The following MAPKAPK2 variants were observed in gnomAD, a reference collection of about 807,000 sequenced individuals.
MAPKAPK2 encodes MAPK activated protein kinase 2.
A neutral mutation model predicts 48.8 loss-of-function variants in MAPKAPK2; 9 were observed. The ratio of observed to expected loss-of-function variants is 0.18; its 90% CI spans 0.11 to 0.32. MAPKAPK2 has a LOEUF of 0.32. MAPKAPK2 is among the 10% of genes least tolerant of loss of function. The pLI is 1.00. For synonymous variants in MAPKAPK2, 202 were observed against 190.6 expected (o/e 1.06, Z -0.49); for missense variants, 331 against 498.3 (o/e 0.66, Z 3.20).
intron 1 of MAPKAPK2, among the ~76,000 whole-genome samples, chr1:206,722,047 G>A (rs1347120977): frequency 4.8e-5 from 7 of 145,404 alleles, no homozygotes; most frequent in Non-Finnish European, 7.5e-5. Flanking sequence ...CCTGGGTAAT[G>A]AGAGTGAAAC....
chr1:206,711,607 C>CTTTTTTTT (rs781793889), intron 1 of MAPKAPK2, among the ~76,000 whole-genome samples: 60 of 115,486 alleles, frequency 5.2e-4, no homozygotes, highest in Admixed American at 5.6e-4. Context: ...CTACCTCATT[C>CTTTTTTTT]TTTTTTTTTT....
At chr1:206,718,874 T>C (rs1315914877) in intron 1 of MAPKAPK2, among the ~76,000 whole-genome samples, 1 of 152,174 alleles carries the variant, frequency 6.6e-6, no homozygotes, top group Non-Finnish European at 1.5e-5. Flanking sequence ...GCCAAATACC[T>C]CCCCAAAAAT....
rs991851187 is a variant in MAPKAPK2 at position 206,729,286 on chromosome 1, G to C, written c.485-110G>C. On this transcript the variant is annotated intron_variant, in intron 3 of 9. Coordinates refer to ENST00000367103, the MANE Select transcript of MAPKAPK2 (RefSeq NM_032960.4). ...TTTGTTTCTGGGGTGGGTGGTGGCTGTGGGGAGCCTCAGGCTGCACAGAGG... is the reference window on the plus strand; with the variant it reads ...TTTGTTTCTGGGGTGGGTGGTGGCTCTGGGGAGCCTCAGGCTGCACAGAGG... The C allele has an allele frequency of 5.4e-6, 6 of 1,111,262 alleles. No individual in the cohort carries two copies. In the East Asian group the frequency reaches 9.4e-5, roughly 17 times the overall value. The allele number at this position is 1,111,262 out of a possible 1,614,324, so 68.8% of individuals were successfully genotyped here.
chr1:206,731,877 C>T lies in MAPKAPK2; in HGVS notation c.1017C>T (p.Ser339=). 6.2e-7 allele frequency: 1 copy of T among 1,614,160 alleles called. No individual in the cohort carries two copies. The highest frequency in any genetic ancestry group is 8.5e-7 in the Non-Finnish European group (1 of 1,180,022). ...TCCCTCAAACCCCACTGCACACCAG[C>T]CGGGTCCTGAAGGAGGACAAGGAGC... ...TKVPQTPLHT[S]RVLKEDKERW... Residue 339 remains serine (S), a synonymous_variant, in exon 9 of 10, where the codon AGC becomes AGT. Transcript: ENST00000367103. This position sits in a 1 kb window ranked among gnomAD's most constrained non-coding sequence, Gnocchi z 5.9.
In MAPKAPK2 at chr1:206,731,710, C is replaced by G; in HGVS notation, c.963C>G (p.Asn321Lys). Residue 321 changes from asparagine (N) to lysine (K), a missense_variant, in exon 8 of 10, where the codon AAC becomes AAG. Coordinates refer to ENST00000367103, the MANE Select transcript of MAPKAPK2 (RefSeq NM_032960.4). The surrounding 1 kb of genome is among the most constrained non-coding windows in gnomAD (Gnocchi z 5.9). The part of the protein sequence containing the change: ...TQRMTITEFM[N>K]HPWIMQSTKV... ...GAATGACCATCACCGAGTTTATGAA[C>G]CACCCTTGGATCATGGTAAGCTCGG... The G allele has an allele frequency of 6.2e-7, 1 of 1,614,102 alleles. No homozygotes were observed. Among genetic ancestry groups the G allele is most frequent in the Non-Finnish European group, 8.5e-7 (1 of 1,179,982 alleles).
chr1:206,727,638 T>C (rs1553431960), intron 1 of MAPKAPK2, among the ~76,000 whole-genome samples: 1 of 152,122 alleles, frequency 6.6e-6, no homozygotes, highest in African/African-American at 2.4e-5. Flanking sequence ...CTTTTTTTTT[T>C]GAGATGGAGT....
At chr1:206,703,860 AAC>A (rs1672870997) in intron 1 of MAPKAPK2, among the ~76,000 whole-genome samples, 1 of 152,200 alleles carries the variant, frequency 6.6e-6, no homozygotes, top group African/African-American at 2.4e-5. Context: ...GCAGGCCAGG[AAC>A]AGTCAGTGGC....
chr1:206,724,225 C>T (rs538729476), intron 1 of MAPKAPK2, among the ~76,000 whole-genome samples: 36 of 152,362 alleles, frequency 2.4e-4, no homozygotes, highest in Non-Finnish European at 4.6e-4. Flanking sequence ...CCTGCCGCCT[C>T]GCTCTGCTGG....
chr1:206,728,113 G>T (rs193121770), intron 1 of MAPKAPK2, among the ~76,000 whole-genome samples: 1 of 152,290 alleles, frequency 6.6e-6, no homozygotes, highest in Non-Finnish European at 1.5e-5. Context: ...CATCAGTGAG[G>T]TTCGACGAGT....
At chr1:206,700,353 A>G (rs1281559152) in intron 1 of MAPKAPK2, among the ~76,000 whole-genome samples, 1 of 152,140 alleles carries the variant, frequency 6.6e-6, no homozygotes, top group Non-Finnish European at 1.5e-5. Context: ...GGACACTGAG[A>G]GCTGTTTAAA....
At chr1:206,691,122 C>A (rs1672442796) in intron 1 of MAPKAPK2, among the ~76,000 whole-genome samples, 1 of 152,296 alleles carries the variant, frequency 6.6e-6, no homozygotes, top group South Asian at 2.1e-4. Flanking sequence ...TGACTCCTTG[C>A]ACATCACTGA....
intron 1 of MAPKAPK2, among the ~76,000 whole-genome samples, chr1:206,712,973 C>CACAA (rs1421080454): frequency 1.3e-5 from 2 of 149,668 alleles, no homozygotes; most frequent in Non-Finnish European, 3.0e-5. Flanking sequence ...CACACACACA[C>CACAA]ACACACACAC....
chr1:206,707,891 A>T (rs1553428842), intron 1 of MAPKAPK2, among the ~76,000 whole-genome samples: 1 of 152,128 alleles, frequency 6.6e-6, no homozygotes, highest in African/African-American at 2.4e-5. Context: ...AACCAGCTGG[A>T]TTTTGCTGAA....
At chr1:206,729,203 T>C in intron 3 of MAPKAPK2, 104 bp downstream of exon 3, 1 of 1,293,912 alleles carries the variant, frequency 7.7e-7, no homozygotes, top group Non-Finnish European at 1.1e-6. Context: ...CTGAGGCTGC[T>C]GCCCCCTCCA....
chr1:206,707,222 G>A (rs782005845), intron 1 of MAPKAPK2, among the ~76,000 whole-genome samples: 1 of 152,048 alleles, frequency 6.6e-6, no homozygotes, highest in Admixed American at 6.6e-5. Context: ...CAGGGTGGGA[G>A]CAGGACTTCC....
intron 1 of MAPKAPK2, among the ~76,000 whole-genome samples, chr1:206,726,500 C>G (rs1673706513): frequency 6.6e-6 from 1 of 152,268 alleles, no homozygotes; most frequent in Non-Finnish European, 1.5e-5. Flanking sequence ...CCTCCTGCAA[C>G]TATTGGCTCC....
Position 206,704,637 on chromosome 1 carries a change from T to C in MAPKAPK2, c.279+19129T>C, listed in dbSNP as rs1020895087. Among the ~76,000 whole-genome samples, 12 of 152,238 alleles carry C rather than the reference T, an allele frequency of 7.9e-5. No individual in the cohort carries two copies. The highest frequency in any genetic ancestry group is 6.5e-5 in the Admixed American group (1 of 15,286). ...AGCACACATGATCTGCAGTCAAGGT[T>C]GACTTGAGGGTGTGCATGGGTTCAG... On this transcript the variant is annotated intron_variant, in intron 1 of 9. Coordinates refer to ENST00000367103, the MANE Select transcript of MAPKAPK2 (RefSeq NM_032960.4). The surrounding 1 kb of genome is among the most constrained non-coding windows in gnomAD (Gnocchi z 4.3).
chr1:206,717,869 A>G (rs1422914085), intron 1 of MAPKAPK2, among the ~76,000 whole-genome samples: 1 of 147,778 alleles, frequency 6.8e-6, no homozygotes, highest in Admixed American at 6.7e-5. Flanking sequence ...TAAAACAGAA[A>G]GAAAAAAAAA....
At chr1:206,696,878 G>C (rs1672644281) in intron 1 of MAPKAPK2, among the ~76,000 whole-genome samples, 1 of 152,174 alleles carries the variant, frequency 6.6e-6, no homozygotes, top group Admixed American at 6.5e-5. Context: ...GATAGTACTG[G>C]GCTGTGCTCT....
Sources: allele counts gnomAD v4.1 joint callset (sites outside exome capture counted in the v4.1 genomes callset), GRCh38; gene constraint gnomAD v4.1.1; non-coding constraint Gnocchi (gnomAD v3.1); transcripts MANE v1.5; gene names NCBI Gene and HGNC (gene_info 2026-07-23, HGNC 2026-07-21).